Variants in IRX6 observed in about 807,000 individuals in gnomAD.
IRX6 encodes iroquois homeobox 6, also known as iroquois-class homeodomain protein IRX-6.
In IRX6, 46 loss-of-function variants were observed where a neutral mutation model predicts 47.7. The observed-to-expected ratio is 0.96, with a 90% CI of 0.76 to 1.23. IRX6 has a LOEUF of 1.23. IRX6 is among the 50% of genes most tolerant of loss of function. The probability of loss-of-function intolerance (pLI) is 0.00; values close to 1 mark genes in which losing one functional copy is unlikely to be tolerated. For synonymous variants in IRX6, 265 were observed against 246.2 expected (o/e 1.08, Z -0.72); for missense variants, 722 against 588.0 (o/e 1.23, Z -2.36).
At chr16:55,326,108 T>C (rs1960516458) in intron 1 of IRX6, 1 of 553,058 alleles carries the variant, frequency 1.8e-6, no homozygotes, top group Admixed American at 3.5e-5. Flanking sequence ...AGCAATGGAG[T>C]AGGAGCATCT....
At chr16:55,326,958 GC>G (rs1960539245) in intron 2 of IRX6, 26 of 151,284 alleles carry the variant, frequency 1.7e-4, no homozygotes, top group Middle Eastern at 2.2e-3. Context: ...GGGGCAGGGG[GC>G]GGGGGGTGGG....
At chr16:55,326,817 A>C in intron 2 of IRX6, 1 of 488,746 alleles carries the variant, frequency 2.0e-6, no homozygotes, top group Non-Finnish European at 3.5e-6. Flanking sequence ...CATTAATCTC[A>C]ATTTAAGAAT....
chr16:55,326,261 T>G (rs1408107643), intron 1 of IRX6, 75 bp from the exon 2 acceptor site: 1 of 1,240,822 alleles, frequency 8.1e-7, no homozygotes, highest in Non-Finnish European at 1.1e-6. Context: ...TGTTTCTAGC[T>G]CCCTTCAGCG....
chr16:55,324,908 G>T lies in IRX6; in HGVS notation c.-184G>T, dbSNP rs1010080404. The T allele has an allele frequency of 1.6e-6, 1 of 622,262 alleles. No individual in the cohort carries two copies. The highest frequency in any genetic ancestry group is 1.9e-5 in the South Asian group (1 of 51,972). 38.5% of individuals were successfully genotyped at this position (622,262 alleles called of 1,614,324 possible). On this transcript the variant is annotated 5_prime_UTR_variant, in exon 1 of 6. Transcript: ENST00000290552. This position sits in a 1 kb window ranked among gnomAD's most constrained non-coding sequence, Gnocchi z 4.4. The stretch of plus-strand genomic sequence containing the variant: ...GGGCCGGAGGGGCGCCTTCCGGAGC[G>T]CAGGGCTCGGCAGCCGGGCTGCCCT...
chr16:55,329,396 A>C lies in IRX6; in HGVS notation c.1333+85A>C, dbSNP rs563179327. 9.4e-6 allele frequency: 14 copies of C among 1,488,440 alleles called. No individual in the cohort carries two copies. In the South Asian group the frequency reaches 1.7e-4, roughly 18 times the overall value. The allele number at this position is 1,488,440 out of a possible 1,614,324, so 92.2% of individuals were successfully genotyped here. A position where few individuals can be genotyped will look rare whatever the true frequency, so the allele number is the denominator to read the frequency against. On this transcript the variant is annotated intron_variant, in intron 5 of 5. Coordinates refer to ENST00000290552, the MANE Select transcript of IRX6 (RefSeq NM_024335.3). Reference sequence around the variant, plus strand: ...GCCCGGCAATTGCACACCCTCTGCCATTCCAGTCTGCCCAGGTCTCCCACA... The same window carrying C: ...GCCCGGCAATTGCACACCCTCTGCCCTTCCAGTCTGCCCAGGTCTCCCACA...
In IRX6 at chr16:55,324,656, C is replaced by G. The variant is rs1478072098; in HGVS notation, c.-436C>G. The G allele has an allele frequency of 4.7e-6, 1 of 211,528 alleles. No homozygotes were observed. The highest frequency in any genetic ancestry group is 9.5e-6 in the Non-Finnish European group (1 of 105,138). The allele number at this position is 211,528 out of a possible 1,614,324, so 13.1% of individuals were successfully genotyped here. On this transcript the variant is annotated 5_prime_UTR_variant, in exon 1 of 6. Coordinates refer to ENST00000290552, the MANE Select transcript of IRX6 (RefSeq NM_024335.3). This position sits in a 1 kb window ranked among gnomAD's most constrained non-coding sequence, Gnocchi z 4.4. Reference sequence around the variant, plus strand: ...CGCGCGCGCGCACGGGCTGGCTGCGCTTGGCACGCTTGGTGGCCCAGGGTC... The same window carrying G: ...CGCGCGCGCGCACGGGCTGGCTGCGGTTGGCACGCTTGGTGGCCCAGGGTC...
chr16:55,326,731 C>A (rs1960535371), intron 2 of IRX6, 138 bp downstream of exon 2: 1 of 838,724 alleles, frequency 1.2e-6, no homozygotes, highest in East Asian at 2.8e-5. Flanking sequence ...AAATACAGTA[C>A]CTTACAGTTT....
chr16:55,327,781 C>A lies in IRX6; in HGVS notation c.609C>A (p.Arg203=). The change falls in exon 4 of 6, where the codon CGC becomes CGA. Residue 203 remains arginine (R), a synonymous_variant. Coordinates refer to ENST00000290552, the MANE Select transcript of IRX6 (RefSeq NM_024335.3). The part of the protein sequence containing the change: ...VSTWFANARR[R]LKKENKMTWA... ...CCTGGTTCGCCAACGCACGCCGGCG[C>A]CTCAAGAAAGAGAACAAAATGACAT... 6.2e-7 allele frequency: 1 copy of A among 1,612,532 alleles called. No homozygotes were observed. The highest frequency in any genetic ancestry group is 1.3e-5 in the African/African-American group (1 of 74,954).
In IRX6 at chr16:55,329,278, G is replaced by A. The variant is rs1960600645; in HGVS notation, c.1300G>A (p.Val434Ile). ...CAPCPRRSEP[V>I]VQCQYPSGAE... Reference sequence around the variant, plus strand: ...GCCGTGCCCGCGGAGGAGCGAGCCTGTAGTGCAGTGCCAGTACCCGTCTGG... The same window carrying A: ...GCCGTGCCCGCGGAGGAGCGAGCCTATAGTGCAGTGCCAGTACCCGTCTGG... Residue 434 changes from valine (V) to isoleucine (I), a missense_variant, in exon 5 of 6, where the codon GTA (valine) becomes ATA (isoleucine). Physicochemically the swap from Val to Ile is conservative, Grantham distance 29. Transcript: ENST00000290552. 6.2e-7 allele frequency: 1 copy of A among 1,611,958 alleles called. No homozygotes were observed. Among genetic ancestry groups the A allele is most frequent in the African/African-American group, 1.3e-5 (1 of 75,044 alleles).
chr16:55,325,532 A>AAGGAAGGAAGGAAGGAAGGAAGGG (rs1248891909), intron 1 of IRX6, among the ~76,000 whole-genome samples: 1 of 49,282 alleles, frequency 2.0e-5, no homozygotes, highest in Non-Finnish European at 3.8e-5. Flanking sequence ...GGAAGGAAGG[A>AAGGAAGGAAGGAAGGAAGGAAGGG]GAGAGAGAGA....
chr16:55,327,056 G>A (rs879399410), intron 2 of IRX6: 1 of 538,170 alleles, frequency 1.9e-6, no homozygotes. Context: ...CTGCACCAGG[G>A]ATTCTGCCAA....
chr16:55,324,993 G>C lies in IRX6; in HGVS notation c.-99G>C, dbSNP rs1295394027. 2 of 1,271,472 alleles carry C rather than the reference G, an allele frequency of 1.6e-6. No individual in the cohort carries two copies. The highest frequency in any genetic ancestry group is 2.3e-5 in the East Asian group (1 of 42,914). The allele number at this position is 1,271,472 out of a possible 1,614,324, so 78.8% of individuals were successfully genotyped here. A position where few individuals can be genotyped will look rare whatever the true frequency, so the allele number is the denominator to read the frequency against. The stretch of plus-strand genomic sequence containing the variant: ...GAACCGGCGCTGGGCATCCGCAGCG[G>C]TGTAAGGAACTGAGACACCTCACTG... On this transcript the variant is annotated 5_prime_UTR_variant, in exon 1 of 6. Coordinates refer to ENST00000290552, the MANE Select transcript of IRX6 (RefSeq NM_024335.3). The surrounding 1 kb of genome is among the most constrained non-coding windows in gnomAD (Gnocchi z 4.4).
chr16:55,330,226 G>A (rs776875794), intron 5 of IRX6, 72 bp from the exon 6 acceptor site: 33 of 1,425,400 alleles, frequency 2.3e-5, no homozygotes, highest in Non-Finnish European at 3.1e-5. Context: ...GAAGAGACAT[G>A]GCTGACCCAG....
At chr16:55,327,260 A>G (rs1242259452) in intron 2 of IRX6, 36 bp from the exon 3 acceptor site, 9 of 1,503,638 alleles carry the variant, frequency 6.0e-6, no homozygotes, top group East Asian at 4.5e-5. Context: ...CCCCTCCCCA[A>G]CTGTACTCCT....
Position 55,329,204 on chromosome 16 carries a change from C to A in IRX6, c.1226C>A (p.Ala409Asp). Residue 409 changes from alanine to aspartate, a missense_variant, in exon 5 of 6, where the codon GCC becomes GAC. Physicochemically the swap from Ala to Asp is moderately radical, Grantham distance 126. Coordinates refer to ENST00000290552, the MANE Select transcript of IRX6 (RefSeq NM_024335.3). ...ACDESSCIPK[A>D]FGNPKFALQG... ...GACGAGTCTTCCTGCATACCCAAAG[C>A]CTTTGGAAACCCCAAGTTTGCCCTG... 6.2e-7 allele frequency: 1 copy of A among 1,614,130 alleles called. No individual in the cohort carries two copies. Among genetic ancestry groups the A allele is most frequent in the Non-Finnish European group, 8.5e-7 (1 of 1,180,056 alleles).
At chr16:55,329,564 A>G (rs1270019719) in intron 5 of IRX6, among the ~76,000 whole-genome samples, 1 of 152,246 alleles carries the variant, frequency 6.6e-6, no homozygotes, top group Admixed American at 6.5e-5. Flanking sequence ...AAGCCGTTCG[A>G]GAGATGGACA....
In IRX6 at chr16:55,327,596, G is replaced by A. The variant is rs1204528999; in HGVS notation, c.424G>A (p.Val142Met). 4 of 1,602,834 alleles carry A rather than the reference G, an allele frequency of 2.5e-6. No homozygotes were observed. Among genetic ancestry groups the A allele is most frequent in the Non-Finnish European group, 3.4e-6 (4 of 1,175,116 alleles). ...GGTTCTCCCCCACAGGTATGGCGCA[G>A]TGGAATTGAGTGGCGCCGGTCGCCG... ...GQYQYERYGA[V>M]ELSGAGRRKN... Residue 142 changes from valine to methionine, a missense_variant, in exon 4 of 6, where the codon GTG becomes ATG. Val to Met is a conservative substitution (Grantham distance 21). Transcript: ENST00000290552.
At position 55,324,760 on chromosome 16, in the gene IRX6, A is replaced by G. The variant is rs544617747; in HGVS notation, c.-332A>G. 7.8e-4 allele frequency: 295 copies of G among 379,798 alleles called. 1 individual carries two copies. The highest frequency in any genetic ancestry group is 5.2e-3 in the African/African-American group (242 of 46,732). 23.5% of individuals were successfully genotyped at this position (379,798 alleles called of 1,614,324 possible). A position where few individuals can be genotyped will look rare whatever the true frequency, so the allele number is the denominator to read the frequency against. On this transcript the variant is annotated 5_prime_UTR_variant, in exon 1 of 6. Transcript: ENST00000290552. The surrounding 1 kb of genome is among the most constrained non-coding windows in gnomAD (Gnocchi z 4.4). ...GCCTCTGGCCACCTTGGACTGGGAC[A>G]CCTCCGGAGCCTCACAGCCCCGCGC...
Position 55,330,709 on chromosome 16 carries a change from T to C in IRX6, c.*404T>C. 1 of 279,950 alleles carries C rather than the reference T, an allele frequency of 3.6e-6. No individual in the cohort carries two copies. 17.3% of individuals were successfully genotyped at this position (279,950 alleles called of 1,614,324 possible). On this transcript the variant is annotated 3_prime_UTR_variant, in exon 6 of 6. Coordinates refer to ENST00000290552, the MANE Select transcript of IRX6 (RefSeq NM_024335.3). ...GCCAATAAGGACCCTGTGCGTCTTCTCCCCCTCCTAAGCCCTTGTGTCCTT... is the reference window on the plus strand; with the variant it reads ...GCCAATAAGGACCCTGTGCGTCTTCCCCCCCTCCTAAGCCCTTGTGTCCTT...
Sources: gnomAD v4.1 joint callset for allele counts (sites outside exome capture counted in the v4.1 genomes callset) on GRCh38, gnomAD v4.1.1 for gene constraint, Gnocchi (gnomAD v3.1) non-coding constraint, MANE v1.5 for transcripts, NCBI Gene and HGNC (gene_info 2026-07-23, HGNC 2026-07-21) for gene names.